The following NMT1 variants were observed in gnomAD, a reference collection of about 807,000 sequenced individuals.
NMT1 encodes the protein glycylpeptide N-tetradecanoyltransferase 1.
NMT1 carries 12 observed loss-of-function variants against 63.4 expected under a neutral mutation model. The ratio of observed to expected loss-of-function variants is 0.19; its 90% CI spans 0.12 to 0.31. The LOEUF (loss-of-function observed/expected upper bound fraction) is 0.31, where lower values mean the gene tolerates loss of function less well. Ranked by LOEUF, NMT1 falls within the 10% of genes least tolerant of loss-of-function variation. NMT1 has a pLI of 1.00. For synonymous variants in NMT1, 228 were observed against 234.3 expected, an observed-to-expected ratio of 0.97 and a Z score of 0.25; for missense variants, 432 against 634.6, an observed-to-expected ratio of 0.68 and a Z score of 3.43.
chr17:45,076,451 G>GAA (rs1405974078), intron 1 of NMT1, among the ~76,000 whole-genome samples: 4 of 128,678 alleles, frequency 3.1e-5, no homozygotes, highest in Admixed American at 7.9e-5. Context: ...ACTCATTAAA[G>GAA]AAAAAAAAAA....
At chr17:45,087,879 G>A (rs887745370) in intron 3 of NMT1, among the ~76,000 whole-genome samples, 6 of 152,116 alleles carry the variant, frequency 3.9e-5, no homozygotes, top group African/African-American at 1.4e-4. Context: ...GCAGAGGTTG[G>A]GAGCAGCTAA....
rs377092049 is a variant in NMT1, at chr17:45,063,952, C to T, written c.131+2492C>T. ...CTGTAATCCCATCACTCTGGGAGGC[C>T]GAGGCGGGTGGATCACGAGGTCAAG... On this transcript the variant is annotated intron_variant, in intron 1 of 11. Coordinates refer to ENST00000258960, the MANE Select transcript of NMT1 (RefSeq NM_021079.5). Among the ~76,000 whole-genome samples, 34 of 151,780 alleles carry T rather than the reference C, an allele frequency of 2.2e-4. No homozygotes were observed. The South Asian group carries it at 4.6e-3, about 20-fold the overall frequency.
intron 3 of NMT1, among the ~76,000 whole-genome samples, chr17:45,087,178 CAAAAAACCCA>C (rs745966919): frequency 2.0e-5 from 3 of 150,008 alleles, no homozygotes; most frequent in Non-Finnish European, 3.0e-5. Flanking sequence ...ACGAACAAAC[CAAAAAACCCA>C]AAAAAAAAAC....
At chr17:45,090,861 C>A (rs765323860) in intron 3 of NMT1, among the ~76,000 whole-genome samples, 33 of 152,156 alleles carry the variant, frequency 2.2e-4, no homozygotes, top group Non-Finnish European at 3.5e-4. Context: ...CTGTGCTCTG[C>A]AGAGCAGCCT....
chr17:45,096,106 C>A, intron 4 of NMT1, 88 bp from the exon 5 acceptor site: 36 of 961,676 alleles, frequency 3.7e-5, no homozygotes, highest in Middle Eastern at 2.2e-4. Flanking sequence ...TTTGCTTCAT[C>A]CTTCTGAAAA....
intron 1 of NMT1, among the ~76,000 whole-genome samples, chr17:45,063,887 C>A (rs117846333): frequency 0.1 from 15,734 of 150,456 alleles, 948 homozygotes; most frequent in Middle Eastern, 0.18. Context: ...TAGAGCAAAG[C>A]CCTGTCTCAG....
At position 45,107,919 on chromosome 17, in the gene NMT1, C is replaced by G. The variant is rs2054212938; in HGVS notation, c.*2280C>G. 6.6e-6 allele frequency: 1 copy of G among 150,444 alleles called. No homozygotes were observed. Among genetic ancestry groups the G allele is most frequent in the African/African-American group, 2.4e-5 (1 of 41,396 alleles). 9.3% of individuals were successfully genotyped at this position (150,444 alleles called of 1,614,324 possible). On this transcript the variant is annotated 3_prime_UTR_variant, in exon 12 of 12. Transcript: ENST00000258960. ...TTTATGTTGCGGTGAGAACTCTGCC[C>G]AGGTGTGCAGGGTTTGGCTTGTGGG...
rs2054106378 is a variant in NMT1 at position 45,093,911 on chromosome 17, A to C, written c.504+108A>C. 2.1e-5 allele frequency: 18 copies of C among 867,698 alleles called. No individual in the cohort carries two copies. In the South Asian group the frequency reaches 2.6e-4, roughly 13 times the overall value. 53.7% of individuals were successfully genotyped at this position (867,698 alleles called of 1,614,324 possible). On this transcript the variant is annotated intron_variant, in intron 4 of 11. Coordinates refer to ENST00000258960, the MANE Select transcript of NMT1 (RefSeq NM_021079.5). ...ACTCGAGCCCTAGAGAGCTGAGCCA[A>C]GGAGGTCTGAACAGACTCCCGTCTG...
chr17:45,094,808 G>A (rs1446084096), intron 4 of NMT1, among the ~76,000 whole-genome samples: 6 of 124,852 alleles, frequency 4.8e-5, no homozygotes, highest in Non-Finnish European at 8.3e-5. Context: ...GAGCCACTAG[G>A]CCTGGCTTTT....
Position 45,107,363 on chromosome 17 carries a change from C to T in NMT1, c.*1724C>T, listed in dbSNP as rs2054209189. On this transcript the variant is annotated 3_prime_UTR_variant, in exon 12 of 12. Transcript: ENST00000258960. ...CACTAAGGTGGATTTTCATCAGGGG[C>T]CTGCAGGGCCCTCCCTTTTCCCATT... The T allele has an allele frequency of 6.6e-6, 1 of 152,670 alleles. No individual in the cohort carries two copies. Among genetic ancestry groups the T allele is most frequent in the South Asian group, 2.1e-4 (1 of 4,836 alleles). The allele number at this position is 152,670 out of a possible 1,614,324, so 9.5% of individuals were successfully genotyped here.
At chr17:45,098,323 G>A (rs1446272542) in intron 6 of NMT1, 59 bp from the exon 7 acceptor site, 1 of 1,545,582 alleles carries the variant, frequency 6.5e-7, no homozygotes, top group Admixed American at 1.7e-5. Flanking sequence ...CGTGCTTGAT[G>A]GGATCACCAT....
rs1292332355 is a variant in NMT1 at position 45,075,485 on chromosome 17, T to TA, written c.132-6146dup. On this transcript the variant is annotated intron_variant, in intron 1 of 11. Transcript: ENST00000258960. ...GGGCAACAGAGCGAGACTCTTGTCT[T>TA]AAAAAAAAAAAAATGGCTGGGCGTG... is the stretch of plus-strand genomic sequence containing the variant. Among the ~76,000 whole-genome samples the TA allele has an allele frequency of 2.1e-3, 258 of 124,494 alleles. 1 individual carries two copies. The highest frequency in any genetic ancestry group is 0.02 in the East Asian group (83 of 4,216). The allele number at this position is 124,494 out of a possible 152,430, so 81.7% of individuals were successfully genotyped here. A position where few individuals can be genotyped will look rare whatever the true frequency, so the allele number is the denominator to read the frequency against.
intron 8 of NMT1, chr17:45,099,907 G>T (rs530624854): frequency 2.4e-5 from 4 of 166,508 alleles, no homozygotes; most frequent in African/African-American, 9.5e-5. Flanking sequence ...CCCTCTGCCG[G>T]GTCAGGTAAA....
At chr17:45,094,022 A>T (rs1350072985) in intron 4 of NMT1, among the ~76,000 whole-genome samples, 1 of 152,174 alleles carries the variant, frequency 6.6e-6, no homozygotes, top group East Asian at 1.9e-4. Flanking sequence ...TAGGTCCCCG[A>T]TGTGGATACC....
intron 2 of NMT1, among the ~76,000 whole-genome samples, chr17:45,083,920 T>C (rs956029129): frequency 6.6e-6 from 1 of 152,200 alleles, no homozygotes; most frequent in African/African-American, 2.4e-5. Context: ...CGAGAATTTA[T>C]TTAATAAACT....
chr17:45,103,780 C>T lies in NMT1; in HGVS notation c.1236C>T (p.Thr412=), dbSNP rs759148893. ...CCTCCACCATCATGAACCATCCAAC[C>T]CACAAGAGTCTCAAAGCTGCTTATT... ...TLPSTIMNHP[T]HKSLKAAYSF... The change falls in exon 10 of 12, where the codon ACC becomes ACT. Residue 412 remains threonine (T), a synonymous_variant. Coordinates refer to ENST00000258960, the MANE Select transcript of NMT1 (RefSeq NM_021079.5). The surrounding 1 kb of genome is among the most constrained non-coding windows in gnomAD (Gnocchi z 4.8). 2.5e-6 allele frequency: 4 copies of T among 1,614,202 alleles called. No individual in the cohort carries two copies. In the South Asian group the frequency reaches 4.4e-5, roughly 18 times the overall value.
chr17:45,097,190 G>A lies in NMT1; in HGVS notation c.659G>A (p.Arg220Gln), dbSNP rs771441667. 6.8e-6 allele frequency: 11 copies of A among 1,614,166 alleles called. No homozygotes were observed. The highest frequency in any genetic ancestry group is 1.7e-5 in the Admixed American group (1 of 60,014). The stretch of plus-strand genomic sequence containing the variant: ...TGTGGGGTTCGAGTGGTCTCAAGTC[G>A]GAAATTGGTTGGGTTCATTAGCGCC... ...WHCGVRVVSSRKLVGFISAIP... is the reference protein window; with the variant it reads ...WHCGVRVVSSQKLVGFISAIP... The change falls in exon 6 of 12, where the codon CGG (arginine) becomes CAG (glutamine). Residue 220 changes from arginine (R) to glutamine (Q), a missense_variant. Physicochemically the swap from Arg to Gln is conservative, Grantham distance 43. Around this residue, in one of 4 missense-constraint regions of NMT1, gnomAD observed 295 missense variants for 489.7 expected, o/e 0.60. Coordinates refer to ENST00000258960, the MANE Select transcript of NMT1 (RefSeq NM_021079.5).
chr17:45,083,086 G>A (rs531356290), intron 2 of NMT1, among the ~76,000 whole-genome samples: 7 of 151,928 alleles, frequency 4.6e-5, no homozygotes, highest in Admixed American at 3.9e-4. Flanking sequence ...GGAGGCCAAG[G>A]CGGGTGGATC....
In NMT1 at chr17:45,098,372, C is replaced by A; in HGVS notation, c.714-10C>A. 1.2e-6 allele frequency: 2 copies of A among 1,609,088 alleles called. No individual in the cohort carries two copies. Among genetic ancestry groups the A allele is most frequent in the South Asian group, 1.1e-5 (1 of 90,936 alleles). On this transcript the variant is annotated splice_polypyrimidine_tract_variant and intron_variant, in intron 6 of 11. Transcript: ENST00000258960. ...AAAAACCTTGTCACCTGGATTTTTCCCCCTCTTAGAGAGAAGAAGATGGTA... is the reference window on the plus strand; with the variant it reads ...AAAAACCTTGTCACCTGGATTTTTCACCCTCTTAGAGAGAAGAAGATGGTA...
Sources: gnomAD v4.1 joint callset for allele counts (sites outside exome capture counted in the v4.1 genomes callset) on GRCh38, gnomAD v4.1.1 for gene constraint, gnomAD v4.1.1 regional missense constraint, Gnocchi (gnomAD v3.1) non-coding constraint, MANE v1.5 for transcripts, NCBI Gene and HGNC (gene_info 2026-07-23, HGNC 2026-07-21) for gene names.